Variants in CDH4 observed in about 807,000 individuals in gnomAD.
The protein encoded by CDH4 is cadherin 4, also known as cadherin-4.
A neutral mutation model predicts 86.0 loss-of-function variants in CDH4; 33 were observed. The ratio of observed to expected loss-of-function variants is 0.38; its 90% CI spans 0.29 to 0.51. The LOEUF is 0.51. Ranked by LOEUF, CDH4 falls within the 20% of genes least tolerant of loss-of-function variation. The pLI, the probability that CDH4 is intolerant of heterozygous loss-of-function variation, is 0.86. For missense variants in CDH4, 1,114 were observed against 1,307.4 expected (o/e 0.85, Z 2.28); for synonymous variants, 555 against 549.4 (o/e 1.01, Z -0.14).
chr20:61,674,424 CA>C (rs1490102092), intron 2 of CDH4, among the ~76,000 whole-genome samples: 2 of 152,240 alleles, frequency 1.3e-5, no homozygotes, highest in African/African-American at 4.8e-5. Flanking sequence ...TGACAGGCAG[CA>C]GGCCTTTCGT....
chr20:61,638,776 G>A (rs1391293588), intron 2 of CDH4, among the ~76,000 whole-genome samples: 1 of 152,196 alleles, frequency 6.6e-6, no homozygotes, highest in Non-Finnish European at 1.5e-5. Context: ...GGTGCTCTAT[G>A]GGAGATGGAT....
intron 2 of CDH4, among the ~76,000 whole-genome samples, chr20:61,512,022 C>A (rs1328041645): frequency 1.3e-5 from 2 of 152,202 alleles, no homozygotes; most frequent in African/African-American, 4.8e-5. Context: ...GAACACCCTC[C>A]ATCCGCATTG....
intron 2 of CDH4, among the ~76,000 whole-genome samples, chr20:61,538,270 A>T (rs952478166): frequency 2.0e-5 from 3 of 152,042 alleles, no homozygotes; most frequent in African/African-American, 4.8e-5. Flanking sequence ...AGTGTCCTTT[A>T]TCCCTCCAGC....
chr20:61,492,511 T>C (rs752912318), intron 2 of CDH4, among the ~76,000 whole-genome samples: 4 of 152,176 alleles, frequency 2.6e-5, no homozygotes, highest in Non-Finnish European at 5.9e-5. Context: ...ATTGTTGATG[T>C]TGATGGCGGT....
At chr20:61,475,269 A>G (rs2085527556) in intron 2 of CDH4, among the ~76,000 whole-genome samples, 1 of 151,970 alleles carries the variant, frequency 6.6e-6, no homozygotes, top group East Asian at 1.9e-4. Context: ...CAGGGGTGGA[A>G]TTAAGAAGTG....
chr20:61,793,319 G>A (rs544241683), intron 4 of CDH4, among the ~76,000 whole-genome samples: 1 of 149,508 alleles, frequency 6.7e-6, no homozygotes, highest in African/African-American at 2.6e-5. Flanking sequence ...GCAAACATTA[G>A]TTCTTGGCGA....
chr20:61,660,676 G>A (rs553279170), intron 2 of CDH4, among the ~76,000 whole-genome samples: 13 of 152,258 alleles, frequency 8.5e-5, no homozygotes, highest in African/African-American at 2.6e-4. Flanking sequence ...AGTGGGATGC[G>A]ACCTCACTCT....
intron 4 of CDH4, among the ~76,000 whole-genome samples, chr20:61,819,858 T>C (rs969236165): frequency 2.6e-5 from 4 of 152,192 alleles, no homozygotes; most frequent in Non-Finnish European, 5.9e-5. Flanking sequence ...TTAGCTGTTA[T>C]TGTTCAGCAG....
intron 2 of CDH4, among the ~76,000 whole-genome samples, chr20:61,390,097 C>T (rs754272793): frequency 8.7e-5 from 13 of 150,170 alleles, no homozygotes; most frequent in African/African-American, 3.2e-4. Flanking sequence ...CAGTTGAGAT[C>T]GTATGGTCAT....
intron 2 of CDH4, among the ~76,000 whole-genome samples, chr20:61,341,887 T>A (rs1288656536): frequency 6.6e-6 from 1 of 152,210 alleles, no homozygotes; most frequent in Non-Finnish European, 1.5e-5. Context: ...CCCAGGACAG[T>A]CATTTCCTAG....
intron 11 of CDH4, among the ~76,000 whole-genome samples, chr20:61,925,143 G>C (rs1037916828): frequency 5.9e-5 from 9 of 152,214 alleles, no homozygotes; most frequent in African/African-American, 2.2e-4. Context: ...TGGACGGGAG[G>C]GCGAGGATGG....
intron 8 of CDH4, among the ~76,000 whole-genome samples, chr20:61,904,745 T>A (rs925564275): frequency 1.3e-5 from 2 of 152,246 alleles, no homozygotes; most frequent in Admixed American, 6.5e-5. Flanking sequence ...CGTGGCCGCT[T>A]GCCGTGTGGC....
At position 61,924,322 on chromosome 20, in the gene CDH4, T is replaced by G. The variant is rs1600779819; in HGVS notation, c.1629-12T>G. 1 of 1,592,642 alleles carries G rather than the reference T, an allele frequency of 6.3e-7. No homozygotes were observed. Among genetic ancestry groups the G allele is most frequent in the Non-Finnish European group, 8.5e-7 (1 of 1,170,472 alleles). On this transcript the variant is annotated splice_polypyrimidine_tract_variant and intron_variant, in intron 10 of 15. Transcript: ENST00000614565. ...CCAGCCTTACCTCCCCCTGCACTTG[T>G]GGTCTCCGCAGATACTCAAAGCTGT... is the stretch of plus-strand genomic sequence containing the variant.
At chr20:61,299,153 C>T (rs542684881) in intron 2 of CDH4, among the ~76,000 whole-genome samples, 27 of 152,236 alleles carry the variant, frequency 1.8e-4, no homozygotes, top group South Asian at 1.7e-3. Flanking sequence ...TCCAAAGACC[C>T]GTGCTCTTAT....
intron 2 of CDH4, among the ~76,000 whole-genome samples, chr20:61,653,115 G>A (rs1340419542): frequency 7.9e-6 from 1 of 126,018 alleles, no homozygotes; most frequent in African/African-American, 2.8e-5. Context: ...CTGGGTACTT[G>A]AGATTAGGGA....
At chr20:61,916,027 A>G (rs920251915) in intron 9 of CDH4, among the ~76,000 whole-genome samples, 1 of 152,150 alleles carries the variant, frequency 6.6e-6, no homozygotes, top group African/African-American at 2.4e-5. Flanking sequence ...TACTCCATAT[A>G]GTGCTTTTCT....
intron 8 of CDH4, among the ~76,000 whole-genome samples, chr20:61,899,678 C>A (rs546036038): frequency 6.6e-6 from 1 of 152,138 alleles, no homozygotes; most frequent in African/African-American, 2.4e-5. Context: ...CCGCCCACCT[C>A]GGCCTCCCAA....
intron 2 of CDH4, chr20:61,570,802 C>A (rs1182826352): frequency 1.4e-6 from 1 of 702,050 alleles, no homozygotes; most frequent in Non-Finnish European, 2.6e-6. Context: ...TAATTACCTT[C>A]TCTGCCGCGC....
chr20:61,340,794 G>C (rs1412403554), intron 2 of CDH4, among the ~76,000 whole-genome samples: 1 of 152,162 alleles, frequency 6.6e-6, no homozygotes, highest in Admixed American at 6.5e-5. Flanking sequence ...TGCCCAGGCT[G>C]AGATAGTTTC....
Sources: allele counts gnomAD v4.1 joint callset (sites outside exome capture counted in the v4.1 genomes callset), GRCh38; gene constraint gnomAD v4.1.1; transcripts MANE v1.5; gene names NCBI Gene and HGNC (gene_info 2026-07-23, HGNC 2026-07-21).